The following GLMN variants were observed in gnomAD, a reference collection of about 807,000 sequenced individuals.
GLMN encodes glomulin.
A neutral mutation model predicts 87.8 loss-of-function variants in GLMN; 75 were observed. The observed-to-expected ratio is 0.85, with a 90% CI of 0.71 to 1.04. The LOEUF (loss-of-function observed/expected upper bound fraction) is 1.04, where lower values mean the gene tolerates loss of function less well. Among genes scored for constraint, GLMN ranks in the 50% least tolerant of loss-of-function variants. The pLI is 0.00. For synonymous variants in GLMN, 206 were observed against 221.6 expected (o/e 0.93, Z 0.63); for missense variants, 588 against 658.8 (o/e 0.89, Z 1.18).
the GLMN span, among the ~76,000 whole-genome samples, chr1:92,339,933 A>G: frequency 6.6e-6 from 1 of 152,204 alleles, no homozygotes; most frequent in South Asian, 2.1e-4. Flanking sequence ...AATTATCTAG[A>G]TTAGCAGTAG....
At chr1:92,251,432 A>G (rs979175608) in intron 16 of GLMN, among the ~76,000 whole-genome samples, 1 of 152,152 alleles carries the variant, frequency 6.6e-6, no homozygotes, top group Non-Finnish European at 1.5e-5. Context: ...CCCATATCTC[A>G]TATCATAAAA....
intron 2 of GLMN, 49 bp downstream of exon 2, chr1:92,297,912 C>T (rs368685250): frequency 4.3e-5 from 38 of 890,672 alleles, no homozygotes; most frequent in Admixed American, 7.0e-5. Flanking sequence ...CAATCTGTGC[C>T]CTTCCCATAT....
chr1:92,266,060 C>T (rs529215897), intron 13 of GLMN, among the ~76,000 whole-genome samples: 61 of 152,218 alleles, frequency 4.0e-4, no homozygotes, highest in South Asian at 1.9e-3. Flanking sequence ...GTTGTAATTC[C>T]AGAGCCATCA....
At chr1:92,294,816 T>C (rs2101058537) in intron 3 of GLMN, among the ~76,000 whole-genome samples, 1 of 152,220 alleles carries the variant, frequency 6.6e-6, no homozygotes, top group South Asian at 2.1e-4. Context: ...GTAGCTGGGA[T>C]TACAGGGGCG....
chr1:92,347,216 A>C, the GLMN span, among the ~76,000 whole-genome samples: 1 of 152,224 alleles, frequency 6.6e-6, no homozygotes, highest in African/African-American at 2.4e-5. Context: ...TGTCATTTCT[A>C]CTATTCAGTG....
At chr1:92,367,763 C>T in the GLMN span, among the ~76,000 whole-genome samples, 3 of 152,174 alleles carry the variant, frequency 2.0e-5, no homozygotes, top group African/African-American at 7.2e-5. Context: ...ACATTTTATT[C>T]ACATAGACAT....
intron 16 of GLMN, among the ~76,000 whole-genome samples, chr1:92,254,276 A>G (rs1320631394): frequency 1.3e-5 from 2 of 152,208 alleles, no homozygotes; most frequent in Non-Finnish European, 2.9e-5. Flanking sequence ...ATGTGAAAAG[A>G]CCAAACCTAT....
rs547392354 is a variant in GLMN, at chr1:92,263,607, G to T, written c.1409+16C>A. The T allele has an allele frequency of 3.1e-5, 32 of 1,046,416 alleles. No homozygotes were observed. In the African/African-American group the frequency reaches 3.7e-4, roughly 12 times the overall value. 64.8% of individuals were successfully genotyped at this position (1,046,416 alleles called of 1,614,324 possible). On this transcript the variant is annotated intron_variant, in intron 15 of 18. Transcript: ENST00000370360. ...TTCTGAATTTACTATGTGAACTTTG[G>T]TAATGGTCACCTCACCTATCTGAGT...
At chr1:92,260,708 T>C (rs1327208199) in intron 16 of GLMN, among the ~76,000 whole-genome samples, 2 of 136,362 alleles carry the variant, frequency 1.5e-5, no homozygotes, top group African/African-American at 2.8e-5. Flanking sequence ...CAGTGAGCCA[T>C]GACTGCCACT....
chr1:92,363,929 T>C, the GLMN span, among the ~76,000 whole-genome samples: 7 of 152,200 alleles, frequency 4.6e-5, no homozygotes, highest in Non-Finnish European at 1.0e-4. Context: ...TTATGTTGTC[T>C]CTAAGGCTTC....
At chr1:92,316,241 AG>A in the GLMN span, among the ~76,000 whole-genome samples, 19 of 152,216 alleles carry the variant, frequency 1.2e-4, no homozygotes, top group Non-Finnish European at 2.6e-4. Flanking sequence ...GCTTCTTGGC[AG>A]TAAACAGTAG....
rs190250234 is a variant in GLMN at position 92,295,253 on chromosome 1, C to G, written c.165+2151G>C. 7.3e-3 allele frequency among the ~76,000 whole-genome samples: 835 copies of G among 115,162 alleles called. 8 individuals are homozygous for G. The highest frequency in any genetic ancestry group is 0.021 in the African/African-American group (804 of 38,556). 75.6% of individuals were successfully genotyped at this position (115,162 alleles called of 152,430 possible). A position where few individuals can be genotyped will look rare whatever the true frequency, so the allele number is the denominator to read the frequency against. On this transcript the variant is annotated intron_variant, in intron 3 of 18. Transcript: ENST00000370360. ...CTTCTCTCTACCTGTTTCTTAAATT[C>G]TTCAAGATGGGATCTTGGGCCTCTT...
intron 16 of GLMN, among the ~76,000 whole-genome samples, chr1:92,257,700 A>G (rs1654446432): frequency 2.6e-5 from 4 of 152,240 alleles, no homozygotes; most frequent in African/African-American, 7.2e-5. Context: ...CCATATGCAG[A>G]AAACTGAAAT....
At chr1:92,278,037 G>A (rs922769340) in intron 7 of GLMN, among the ~76,000 whole-genome samples, 3 of 152,208 alleles carry the variant, frequency 2.0e-5, no homozygotes, top group South Asian at 2.1e-4. Flanking sequence ...GGTAGGTAAC[G>A]TTGGAATTGA....
chr1:92,299,044 G>T (rs1038397933), upstream of GLMN: 9 of 1,365,306 alleles, frequency 6.6e-6, no homozygotes, highest in East Asian at 8.3e-5. Context: ...ACGCCGGAGC[G>T]TGTCCCCGTC....
At chr1:92,321,972 G>T in the GLMN span, among the ~76,000 whole-genome samples, 2 of 131,254 alleles carry the variant, frequency 1.5e-5, no homozygotes, top group South Asian at 2.5e-4. Context: ...TCAAGACAGA[G>T]TCTCACTCTA....
At chr1:92,310,789 T>C in the GLMN span, among the ~76,000 whole-genome samples, 1 of 151,922 alleles carries the variant, frequency 6.6e-6, no homozygotes, top group Admixed American at 6.6e-5. Flanking sequence ...CCCAGCTACT[T>C]GGGAGGCTGA....
intron 3 of GLMN, among the ~76,000 whole-genome samples, chr1:92,293,744 G>A (rs2101053823): frequency 6.6e-6 from 1 of 152,138 alleles, no homozygotes; most frequent in East Asian, 1.9e-4. Context: ...AAGAAAATGT[G>A]GTACACATAC....
chr1:92,358,932 G>A, the GLMN span, among the ~76,000 whole-genome samples: 1 of 152,010 alleles, frequency 6.6e-6, no homozygotes, highest in Non-Finnish European at 1.5e-5. Context: ...AAAACAAATA[G>A]ACCTATCCTT....
Sources: allele counts gnomAD v4.1 joint callset (sites outside exome capture counted in the v4.1 genomes callset), GRCh38; gene constraint gnomAD v4.1.1; transcripts MANE v1.5; gene names NCBI Gene and HGNC (gene_info 2026-07-23, HGNC 2026-07-21).